The following TNKS variants were observed in gnomAD, a reference collection of about 807,000 sequenced individuals.
The protein encoded by TNKS is tankyrase, also known as poly [ADP-ribose] polymerase tankyrase-1.
In TNKS, 72 loss-of-function variants were observed where a neutral mutation model predicts 135.8. That is an observed-to-expected ratio of 0.53 (90% confidence interval 0.44 to 0.64). TNKS has a LOEUF of 0.64. Ranked by LOEUF, TNKS falls within the 30% of genes least tolerant of loss-of-function variation. The probability of loss-of-function intolerance (pLI) is 0.00; values close to 1 mark genes in which losing one functional copy is unlikely to be tolerated. For missense variants in TNKS, 1,769 were observed against 1,674.0 expected (o/e 1.06, Z -0.99); for synonymous variants, 849 against 649.3 (o/e 1.31, Z -4.68).
rs1481265797 is a variant in TNKS at position 9,609,757 on chromosome 8, C to G, written c.899-5825C>G. 3.9e-5 allele frequency among the ~76,000 whole-genome samples: 6 copies of G among 152,264 alleles called. No individual in the cohort carries two copies. In the South Asian group the frequency reaches 6.2e-4, roughly 16 times the overall value. ...TAAGGGTAGATTTAAATAAGCTACT[C>G]TGCCGTTACTGAAAACAGAAAATTG... On this transcript the variant is annotated intron_variant, in intron 2 of 26. Transcript: ENST00000310430.
chr8:9,729,533 G>A (rs575346894), intron 13 of TNKS, among the ~76,000 whole-genome samples: 2 of 152,170 alleles, frequency 1.3e-5, no homozygotes, highest in East Asian at 3.9e-4. Context: ...TGGATAATTA[G>A]GAAAGTAAGC....
At chr8:9,710,869 C>G (rs537233379) in intron 11 of TNKS, among the ~76,000 whole-genome samples, 2 of 152,006 alleles carry the variant, frequency 1.3e-5, no homozygotes, top group African/African-American at 4.8e-5. Context: ...ACACTCCAGC[C>G]TGGGAGACAG....
intron 2 of TNKS, among the ~76,000 whole-genome samples, chr8:9,582,542 C>A (rs541639818): frequency 6.6e-6 from 1 of 152,336 alleles, no homozygotes; most frequent in East Asian, 1.9e-4. Context: ...CAGGAGACAT[C>A]AGGGCAGGTT....
Position 9,708,488 on chromosome 8 carries a change from C to T in TNKS, c.1574C>T (p.Ala525Val), listed in dbSNP as rs754851066. The change falls in exon 9 of 27, where the codon GCA becomes GTA. Residue 525 changes from alanine (A) to valine (V), a missense_variant. By Grantham distance (64) the Ala-to-Val change is moderately conservative (BLOSUM62 0). Around this residue, in one of 5 missense-constraint regions of TNKS, gnomAD observed 523 missense variants for 541.0 expected, o/e 0.97. Coordinates refer to ENST00000310430, the MANE Select transcript of TNKS (RefSeq NM_003747.3). ...AAACAACCGCAGTCTCATGAAACAG[C>T]ACTGGTAAGATTTTATTGTTAATCT... Reference protein sequence around the residue: ...NFKQPQSHETALHCAVASLHP... With the variant: ...NFKQPQSHETVLHCAVASLHP... 2.5e-6 allele frequency: 4 copies of T among 1,594,958 alleles called. No homozygotes were observed. In the South Asian group the frequency reaches 3.5e-5, roughly 14 times the overall value.
chr8:9,734,515 T>C (rs1371053198), intron 15 of TNKS, among the ~76,000 whole-genome samples: 1 of 152,156 alleles, frequency 6.6e-6, no homozygotes, highest in African/African-American at 2.4e-5. Flanking sequence ...TTTATGTAAT[T>C]GAATCTGGTC....
At position 9,766,298 on chromosome 8, in the gene TNKS, G is replaced by C; in HGVS notation, c.3613G>C (p.Gly1205Arg). 1 of 1,613,820 alleles carries C rather than the reference G, an allele frequency of 6.2e-7. No individual in the cohort carries two copies. The highest frequency in any genetic ancestry group is 8.5e-7 in the Non-Finnish European group (1 of 1,179,898). The change falls in exon 25 of 27, where the codon GGA becomes CGA. Residue 1205 changes from glycine (G) to arginine (R), a missense_variant. Gly to Arg is a moderately radical substitution (Grantham distance 125, BLOSUM62 -2). Coordinates refer to ENST00000310430, the MANE Select transcript of TNKS (RefSeq NM_003747.3). ...GTTTGATGAGCGACATGCATACATA[G>C]GAGGAATGTTTGGGGCCGGGATTTA... ...KGFDERHAYI[G>R]GMFGAGIYFA...
At chr8:9,724,550 AT>A (rs1437585051) in intron 12 of TNKS, among the ~76,000 whole-genome samples, 7 of 152,180 alleles carry the variant, frequency 4.6e-5, no homozygotes, top group Non-Finnish European at 1.0e-4. Context: ...TTTTAATTTC[AT>A]TTTTTATATC....
At chr8:9,729,307 C>T (rs962209705) in intron 13 of TNKS, among the ~76,000 whole-genome samples, 2 of 152,182 alleles carry the variant, frequency 1.3e-5, no homozygotes, top group Non-Finnish European at 2.9e-5. Context: ...CCGTAGCACT[C>T]CTACTTCCTC....
At chr8:9,711,968 A>T (rs1366820980) in intron 11 of TNKS, among the ~76,000 whole-genome samples, 1 of 152,208 alleles carries the variant, frequency 6.6e-6, no homozygotes, top group East Asian at 1.9e-4. Context: ...AAAACATTGT[A>T]ATGCAGCACT....
At chr8:9,565,308 G>A (rs897994516) in intron 1 of TNKS, among the ~76,000 whole-genome samples, 4 of 152,088 alleles carry the variant, frequency 2.6e-5, no homozygotes, top group Non-Finnish European at 2.9e-5. Flanking sequence ...TTGGAAGAGG[G>A]AAAATAACGT....
rs376984415 is a variant in TNKS, at chr8:9,730,976, C to T, written c.2088C>T (p.Arg696=). The T allele has an allele frequency of 9.6e-5, 155 of 1,613,876 alleles. 1 individual carries two copies. The highest frequency in any genetic ancestry group is 2.7e-4 in the African/African-American group (20 of 74,922). The part of the protein sequence containing the change: ...TPLHFAAGYN[R]VSVVEYLLHH... ...TACACTTCGCAGCAGGCTACAACCG[C>T]GTGTCTGTTGTAGAGTACCTGCTAC... Residue 696 remains arginine (R), a synonymous_variant, in exon 14 of 27, where the codon CGC becomes CGT. Coordinates refer to ENST00000310430, the MANE Select transcript of TNKS (RefSeq NM_003747.3).
intron 8 of TNKS, 76 bp from the exon 9 acceptor site, chr8:9,708,295 A>G (rs954768462): frequency 3.9e-5 from 47 of 1,214,532 alleles, no homozygotes; most frequent in Non-Finnish European, 4.8e-5. Context: ...TAATATTCCT[A>G]CTTATTTATA....
intron 8 of TNKS, 76 bp from the exon 9 acceptor site, chr8:9,708,295 A>C: frequency 8.2e-7 from 1 of 1,214,650 alleles, no homozygotes; most frequent in East Asian, 2.6e-5. Context: ...TAATATTCCT[A>C]CTTATTTATA....
intron 1 of TNKS, chr8:9,557,412 T>A (rs1815370967): frequency 1.3e-5 from 2 of 151,654 alleles, no homozygotes; most frequent in Non-Finnish European, 2.9e-5. Flanking sequence ...TTTTTTTTTT[T>A]TGCAAGTAGT....
chr8:9,664,033 C>G (rs898324109), intron 3 of TNKS, among the ~76,000 whole-genome samples: 1 of 152,174 alleles, frequency 6.6e-6, no homozygotes, highest in Non-Finnish European at 1.5e-5. Flanking sequence ...CAGCCCCTAT[C>G]TGGAGACTAT....
rs182375120 is a variant in TNKS, at chr8:9,752,671, A to C, written c.3153+45A>C. ...TTTGAGTCATTTAAATTAAATACTA[A>C]GATTAGGCTGGATGCAGTGGTTCAC... On this transcript the variant is annotated intron_variant, in intron 20 of 26. Transcript: ENST00000310430. 428 of 1,343,570 alleles carry C rather than the reference A, an allele frequency of 3.2e-4. 3 individuals carry two copies. The East Asian group carries it at 9.9e-3, about 31-fold the overall frequency. The allele number at this position is 1,343,570 out of a possible 1,614,324, so 83.2% of individuals were successfully genotyped here.
intron 5 of TNKS, among the ~76,000 whole-genome samples, chr8:9,701,139 G>A (rs1365443613): frequency 2.6e-5 from 4 of 151,848 alleles, no homozygotes; most frequent in Admixed American, 6.6e-5. Context: ...GGGTTTCATC[G>A]TGTTAGCCAG....
chr8:9,590,834 ATTC>A (rs1798564622), intron 2 of TNKS, among the ~76,000 whole-genome samples: 1 of 152,224 alleles, frequency 6.6e-6, no homozygotes, highest in Non-Finnish European at 1.5e-5. Flanking sequence ...ACTTTCTCCC[ATTC>A]TTTGTGTTGT....
At chr8:9,661,869 G>A (rs997381522) in intron 3 of TNKS, among the ~76,000 whole-genome samples, 2 of 152,034 alleles carry the variant, frequency 1.3e-5, no homozygotes, top group African/African-American at 2.4e-5. Context: ...AATTTACAAA[G>A]AACTCAAACA....
Sources: allele counts gnomAD v4.1 joint callset (sites outside exome capture counted in the v4.1 genomes callset), GRCh38; gene constraint gnomAD v4.1.1; regional missense constraint gnomAD v4.1.1; transcripts MANE v1.5; gene names NCBI Gene and HGNC (gene_info 2026-07-23, HGNC 2026-07-21).